The following PDE10A variants were observed in gnomAD, a reference collection of about 807,000 sequenced individuals.
PDE10A encodes phosphodiesterase 10A.
Under a neutral mutation model 97.7 loss-of-function variants are expected in PDE10A, and 39 were observed. The ratio of observed to expected loss-of-function variants is 0.40; its 90% CI spans 0.31 to 0.52. PDE10A has a LOEUF of 0.52. PDE10A is among the 20% of genes least tolerant of loss of function. PDE10A has a pLI of 0.56. For synonymous variants in PDE10A, 371 were observed against 376.8 expected (o/e 0.98, Z 0.18); for missense variants, 731 against 1,047.8 (o/e 0.70, Z 4.17).
chr6:165,639,030 G>T (rs904945060), intron 1 of PDE10A, among the ~76,000 whole-genome samples: 1 of 151,592 alleles, frequency 6.6e-6, no homozygotes, highest in African/African-American at 2.4e-5. Flanking sequence ...GAAGAAGGAA[G>T]GGAGGGAAGG....
chr6:165,755,949 A>G (rs935362775), intron 1 of PDE10A, among the ~76,000 whole-genome samples: 5 of 152,100 alleles, frequency 3.3e-5, no homozygotes, highest in African/African-American at 7.2e-5. Context: ...CGATTTTCCA[A>G]TGCATGAACT....
intron 1 of PDE10A, among the ~76,000 whole-genome samples, chr6:165,773,895 C>T (rs1237602659): frequency 1.3e-5 from 2 of 152,160 alleles, no homozygotes; most frequent in African/African-American, 2.4e-5. Flanking sequence ...GTAAAAGTAA[C>T]ATGTATTACA....
intron 3 of PDE10A, among the ~76,000 whole-genome samples, chr6:165,480,127 G>A (rs1368032240): frequency 2.0e-5 from 3 of 152,086 alleles, no homozygotes; most frequent in South Asian, 2.1e-4. Flanking sequence ...TCTTAAGGAG[G>A]CATATGGAAA....
chr6:165,354,356 C>T (rs1034580143), intron 18 of PDE10A, among the ~76,000 whole-genome samples: 11 of 152,120 alleles, frequency 7.2e-5, no homozygotes, highest in African/African-American at 2.7e-4. Flanking sequence ...GGCAAATGTC[C>T]ATTGGATAAC....
Position 165,435,308 on chromosome 6 carries a change from T to C in PDE10A, c.1264A>G (p.Thr422Ala). ...KPRLIPAGPI[T>A]QGTTVSAYVA... is the part of the protein sequence containing the mutation. ...TAAGCAGAGACGGTGGTGCCCTGAG[T>C]GATGGGCCCAGCAGGGATGAGGCGG... Residue 422 changes from threonine to alanine, a missense_variant, in exon 6 of 22, where the codon ACT (threonine) becomes GCT (alanine). Physicochemically the swap from Thr to Ala is moderately conservative, Grantham distance 58 (BLOSUM62 0). Coordinates refer to ENST00000539869, the MANE Select transcript of PDE10A (RefSeq NM_001385079.1). 1 of 1,613,704 alleles carries C rather than the reference T, an allele frequency of 6.2e-7. No individual in the cohort carries two copies. Among genetic ancestry groups the C allele is most frequent in the South Asian group, 1.1e-5 (1 of 91,060 alleles).
intron 1 of PDE10A, among the ~76,000 whole-genome samples, chr6:165,936,307 G>C (rs1783326493): frequency 6.6e-6 from 1 of 152,184 alleles, no homozygotes; most frequent in African/African-American, 2.4e-5. Flanking sequence ...GATGAACCAT[G>C]GAGAGAATGT....
chr6:165,345,177 T>G (rs17712339), intron 18 of PDE10A, among the ~76,000 whole-genome samples: 3,121 of 152,314 alleles, frequency 0.02, 63 homozygotes, highest in Non-Finnish European at 0.03. Flanking sequence ...CTAATAAGGT[T>G]TATCTCAAAA....
chr6:165,494,321 T>C (rs1399534930), intron 2 of PDE10A, among the ~76,000 whole-genome samples: 3 of 151,966 alleles, frequency 2.0e-5, no homozygotes, highest in Non-Finnish European at 2.9e-5. Flanking sequence ...TTCCTGGGTA[T>C]TTACCCAGAA....
chr6:165,379,360 CTT>C lies in PDE10A; in HGVS notation c.2615_2616del (p.Glu872GlyfsTer12). The C allele has an allele frequency of 6.2e-7, 1 of 1,606,526 alleles. No homozygotes were observed. On this transcript the variant is annotated frameshift_variant, in exon 18 of 22. Coordinates refer to ENST00000539869, the MANE Select transcript of PDE10A (RefSeq NM_001385079.1). LOFTEE classifies it high-confidence loss of function. Reference sequence around the variant, plus strand: ...CTCAGAGTGGAGAAGATATTGTGCCCTTCCAACTAGGGAAAAAATACAAATAA... The same window carrying C: ...CTCAGAGTGGAGAAGATATTGTGCCCCCAACTAGGGAAAAAATACAAATAA... Reference protein sequence around the residue: ...FSQTVSILQLEGHNIFSTLSS... With the variant: ...FSQTVSILQLXGHNIFSTLSS...
At chr6:165,909,394 C>G (rs115125342) in intron 1 of PDE10A, among the ~76,000 whole-genome samples, 1,678 of 152,310 alleles carry the variant, frequency 0.011, 27 homozygotes, top group African/African-American at 0.036. Flanking sequence ...TTATATTGCT[C>G]GCTGTGTTAG....
At chr6:165,494,962 G>A (rs769619790) in intron 2 of PDE10A, among the ~76,000 whole-genome samples, 2 of 152,034 alleles carry the variant, frequency 1.3e-5, no homozygotes, top group Non-Finnish European at 2.9e-5. Flanking sequence ...TCTCTTTATG[G>A]GAGATAAGTA....
intron 2 of PDE10A, among the ~76,000 whole-genome samples, chr6:165,526,232 T>A (rs1782438530): frequency 6.6e-6 from 1 of 152,102 alleles, no homozygotes; most frequent in Admixed American, 6.5e-5. Flanking sequence ...GACTCAAACA[T>A]CATTGTGGTT....
At chr6:165,847,155 A>G (rs1170899365) in intron 1 of PDE10A, among the ~76,000 whole-genome samples, 1 of 152,190 alleles carries the variant, frequency 6.6e-6, no homozygotes, top group African/African-American at 2.4e-5. Context: ...ATAGAGCCAG[A>G]CAGGCTGAAA....
chr6:165,868,474 A>G (rs2128477979), intron 1 of PDE10A, among the ~76,000 whole-genome samples: 1 of 152,158 alleles, frequency 6.6e-6, no homozygotes, highest in Non-Finnish European at 1.5e-5. Flanking sequence ...GAACTAGAAA[A>G]CCTAAACAGA....
At chr6:165,728,061 C>T (rs927781451) in intron 1 of PDE10A, among the ~76,000 whole-genome samples, 3 of 152,106 alleles carry the variant, frequency 2.0e-5, no homozygotes, top group Non-Finnish European at 2.9e-5. Flanking sequence ...AGCCACCCAC[C>T]CCCAACATAC....
chr6:165,971,338 C>G (rs1364355733), intron 1 of PDE10A, among the ~76,000 whole-genome samples: 1 of 152,138 alleles, frequency 6.6e-6, no homozygotes. Flanking sequence ...TCAATTCAGT[C>G]AAGCTTAGGA....
chr6:165,346,316 T>G (rs1468802141), intron 18 of PDE10A, among the ~76,000 whole-genome samples: 1 of 151,598 alleles, frequency 6.6e-6, no homozygotes, highest in South Asian at 2.1e-4. Context: ...ACAGGGGGAG[T>G]AGGAGGATTC....
chr6:165,663,042 T>A lies in PDE10A; in HGVS notation c.-231A>T, dbSNP rs1790373267. On this transcript the variant is annotated 5_prime_UTR_variant, in exon 1 of 22. Coordinates refer to ENST00000539869, the MANE Select transcript of PDE10A (RefSeq NM_001385079.1). Reference sequence around the variant, plus strand: ...GGGGCCAGGCCCCGGCGACGGCGCCTGGCTACCCTCAGGCGCGCACAATCG... The same window carrying A: ...GGGGCCAGGCCCCGGCGACGGCGCCAGGCTACCCTCAGGCGCGCACAATCG... 6.6e-6 allele frequency among the ~76,000 whole-genome samples: 1 copy of A among 151,014 alleles called. No homozygotes were observed. The highest frequency in any genetic ancestry group is 2.1e-4 in the South Asian group (1 of 4,812).
chr6:165,975,680 C>T (rs1784825620), intron 1 of PDE10A, among the ~76,000 whole-genome samples: 2 of 152,166 alleles, frequency 1.3e-5, no homozygotes, highest in South Asian at 4.1e-4. Context: ...AAATGAAACA[C>T]CCTCACTATG....
Sources: gnomAD v4.1 joint callset for allele counts (sites outside exome capture counted in the v4.1 genomes callset) on GRCh38, gnomAD v4.1.1 for gene constraint, MANE v1.5 for transcripts, NCBI Gene and HGNC (gene_info 2026-07-23, HGNC 2026-07-21) for gene names.